The following MYRIP variants were observed in gnomAD, a reference collection of about 807,000 sequenced individuals.
The protein encoded by MYRIP is rab effector MyRIP.
In MYRIP, 49 loss-of-function variants were observed where a neutral mutation model predicts 98.0. The observed-to-expected ratio is 0.50, with a 90% CI of 0.40 to 0.63. The LOEUF is 0.63. Ranked by LOEUF, MYRIP falls within the 30% of genes least tolerant of loss-of-function variation. The pLI is 0.00. For missense variants in MYRIP, 1,004 were observed against 1,058.2 expected, an observed-to-expected ratio of 0.95 and a Z score of 0.71; for synonymous variants, 404 against 409.5, an observed-to-expected ratio of 0.99 and a Z score of 0.16.
chr3:40,192,354 T>TCATATATATATGTCATATATATATGTCA (rs1437789781), intron 10 of MYRIP, among the ~76,000 whole-genome samples: 2 of 34,880 alleles, frequency 5.7e-5, no homozygotes, highest in African/African-American at 2.0e-4. Context: ...ATATATATAT[T>TCATATATATATGTCATATATATATGTCA]TATATTTATT....
Position 39,929,724 on chromosome 3 carries a change from A to G in MYRIP, c.110+28798A>G, listed in dbSNP as rs1038122048. 2.0e-5 allele frequency among the ~76,000 whole-genome samples: 3 copies of G among 152,044 alleles called. No individual in the cohort carries two copies. In the South Asian group the frequency reaches 6.2e-4, roughly 31 times the overall value. ...ATTTTAGAAAAGTTTCATCGCTCCA[A>G]AAAGAAGCCCCATTCTCTCAACCTC... On this transcript the variant is annotated intron_variant, in intron 2 of 16. Transcript: ENST00000302541.
At chr3:39,848,533 A>G (rs1016605730) in intron 1 of MYRIP, among the ~76,000 whole-genome samples, 1 of 152,168 alleles carries the variant, frequency 6.6e-6, no homozygotes, top group East Asian at 1.9e-4. Flanking sequence ...GGGAAGTTCT[A>G]CTGATTATTG....
At chr3:39,963,767 A>G (rs1945378009) in intron 2 of MYRIP, among the ~76,000 whole-genome samples, 1 of 152,176 alleles carries the variant, frequency 6.6e-6, no homozygotes, top group African/African-American at 2.4e-5. Flanking sequence ...TCTTAAAAGT[A>G]AAAGCAATAT....
chr3:39,926,822 G>T (rs1217208761), intron 2 of MYRIP, among the ~76,000 whole-genome samples: 1 of 151,958 alleles, frequency 6.6e-6, no homozygotes, highest in Non-Finnish European at 1.5e-5. Context: ...GCTCTTTTTG[G>T]TTCCATAATA....
chr3:39,862,019 C>G (rs1474051843), intron 1 of MYRIP, among the ~76,000 whole-genome samples: 1 of 151,994 alleles, frequency 6.6e-6, no homozygotes, highest in Admixed American at 6.5e-5. Context: ...ACAAGAAGGC[C>G]ATCCCCAAGA....
intron 11 of MYRIP, among the ~76,000 whole-genome samples, chr3:40,220,346 C>T (rs1952299942): frequency 6.6e-6 from 1 of 152,088 alleles, no homozygotes; most frequent in African/African-American, 2.4e-5. Flanking sequence ...TTAATTAGAT[C>T]CCATTTGTCA....
At chr3:40,100,308 T>G (rs534888155) in intron 3 of MYRIP, 1 of 968,808 alleles carries the variant, frequency 1.0e-6, no homozygotes, top group East Asian at 1.1e-4. Flanking sequence ...TTGCTATTAT[T>G]GATTATGTAC....
chr3:40,076,990 G>A (rs1289865406), intron 3 of MYRIP, among the ~76,000 whole-genome samples: 1 of 152,138 alleles, frequency 6.6e-6, no homozygotes, highest in African/African-American at 2.4e-5. Flanking sequence ...TCCAGAATTG[G>A]TGGGTTCTTG....
chr3:40,119,461 T>C (rs1341603267), intron 3 of MYRIP, among the ~76,000 whole-genome samples: 1 of 152,244 alleles, frequency 6.6e-6, no homozygotes, highest in Non-Finnish European at 1.5e-5. Context: ...TATTTTCTTA[T>C]GTGTGTATAA....
intron 2 of MYRIP, among the ~76,000 whole-genome samples, chr3:39,942,232 T>A (rs919176143): frequency 2.0e-5 from 3 of 152,146 alleles, no homozygotes; most frequent in African/African-American, 7.2e-5. Context: ...CAGGGCCACG[T>A]CACTGCAGTT....
intron 2 of MYRIP, among the ~76,000 whole-genome samples, chr3:39,994,093 C>G (rs1173796850): frequency 6.6e-6 from 1 of 152,222 alleles, no homozygotes; most frequent in East Asian, 1.9e-4. Flanking sequence ...CAGCCCCAGT[C>G]TACAGCTTCC....
chr3:40,213,990 G>A (rs960669439), intron 11 of MYRIP, among the ~76,000 whole-genome samples: 1 of 152,116 alleles, frequency 6.6e-6, no homozygotes, highest in Non-Finnish European at 1.5e-5. Context: ...TAAACTACAT[G>A]ATACGGCAGT....
intron 10 of MYRIP, among the ~76,000 whole-genome samples, chr3:40,201,631 C>T (rs1429591106): frequency 6.6e-6 from 1 of 151,908 alleles, no homozygotes. Flanking sequence ...ATGATGGGTT[C>T]TCCATGAGAG....
intron 3 of MYRIP, among the ~76,000 whole-genome samples, chr3:40,081,661 A>C (rs181628436): frequency 6.6e-6 from 1 of 152,342 alleles, no homozygotes; most frequent in Admixed American, 6.5e-5. Flanking sequence ...TATATTCATT[A>C]CCTCACATAC....
rs1366668635 is a variant in MYRIP, at chr3:39,959,657, G to T, written c.110+58731G>T. Reference sequence around the variant, plus strand: ...CTGTACATTGTGCACATGTACCCTAGTACTTAAAGTATACTTTAAAAAAAA... The same window carrying T: ...CTGTACATTGTGCACATGTACCCTATTACTTAAAGTATACTTTAAAAAAAA... On this transcript the variant is annotated intron_variant, in intron 2 of 16. Transcript: ENST00000302541. Among the ~76,000 whole-genome samples the T allele has an allele frequency of 2.0e-5, 3 of 147,302 alleles. No homozygotes were observed. The South Asian group carries it at 6.5e-4, about 32-fold the overall frequency.
intron 2 of MYRIP, among the ~76,000 whole-genome samples, chr3:40,003,934 C>T (rs1946577182): frequency 2.0e-5 from 3 of 152,174 alleles, no homozygotes; most frequent in Admixed American, 2.0e-4. Flanking sequence ...ATCTGACTGT[C>T]AAGTTTATTA....
chr3:40,020,052 C>T (rs1946955093), intron 2 of MYRIP, among the ~76,000 whole-genome samples: 1 of 152,142 alleles, frequency 6.6e-6, no homozygotes, highest in East Asian at 1.9e-4. Context: ...GGGTATATTG[C>T]ATGATGCTGA....
At chr3:39,873,519 G>C in intron 1 of MYRIP, among the ~76,000 whole-genome samples, 1 of 152,134 alleles carries the variant, frequency 6.6e-6, no homozygotes, top group East Asian at 1.9e-4. Flanking sequence ...TTTGGTATAA[G>C]GTGTAAGGAA....
At chr3:40,090,171 C>T (rs1325735579) in intron 3 of MYRIP, among the ~76,000 whole-genome samples, 1 of 152,040 alleles carries the variant, frequency 6.6e-6, no homozygotes, top group African/African-American at 2.4e-5. Context: ...AGACCTTGTA[C>T]AAAATCCCTG....
Sources: gnomAD v4.1 joint callset for allele counts (sites outside exome capture counted in the v4.1 genomes callset) on GRCh38, gnomAD v4.1.1 for gene constraint, MANE v1.5 for transcripts, NCBI Gene and HGNC (gene_info 2026-07-23, HGNC 2026-07-21) for gene names.